The following NCALD variants were observed in gnomAD, a reference collection of about 807,000 sequenced individuals.
The protein encoded by NCALD is neurocalcin delta.
NCALD carries 10 observed loss-of-function variants against 18.6 expected under a neutral mutation model. The observed-to-expected ratio is 0.54, with a 90% CI of 0.33 to 0.91. NCALD has a LOEUF of 0.91. NCALD is among the 40% of genes least tolerant of loss of function. NCALD has a pLI of 0.03. For synonymous variants in NCALD, 88 were observed against 87.4 expected (o/e 1.01, Z -0.04); for missense variants, 184 against 247.6 (o/e 0.74, Z 1.72).
intron 2 of NCALD, among the ~76,000 whole-genome samples, chr8:101,921,095 C>T (rs1184672050): frequency 1.3e-5 from 2 of 151,992 alleles, no homozygotes; most frequent in Non-Finnish European, 1.5e-5. Context: ...TATTAGATCC[C>T]ATTACTAATG....
chr8:101,771,155 C>G (rs1427033670), intron 1 of NCALD, among the ~76,000 whole-genome samples: 6 of 152,066 alleles, frequency 3.9e-5, no homozygotes, highest in Non-Finnish European at 7.4e-5. Context: ...GGATGAAACC[C>G]ACAAACAATA....
chr8:102,060,491 C>T (rs1823812263), intron 1 of NCALD, among the ~76,000 whole-genome samples: 1 of 152,142 alleles, frequency 6.6e-6, no homozygotes, highest in African/African-American at 2.4e-5. Flanking sequence ...TCCTTCCTCC[C>T]TTCCCTGACC....
chr8:101,759,974 G>A (rs1811045130), intron 1 of NCALD, among the ~76,000 whole-genome samples: 1 of 152,074 alleles, frequency 6.6e-6, no homozygotes, highest in African/African-American at 2.4e-5. Flanking sequence ...AGACACTGCG[G>A]TTCCCAAGGC....
At chr8:101,945,499 A>G (rs1819133106) in intron 2 of NCALD, among the ~76,000 whole-genome samples, 1 of 152,248 alleles carries the variant, frequency 6.6e-6, no homozygotes, top group Non-Finnish European at 1.5e-5. Flanking sequence ...CTTCATCTCT[A>G]TTTAATGACT....
intron 1 of NCALD, among the ~76,000 whole-genome samples, chr8:102,111,543 A>C (rs1000126180): frequency 6.6e-6 from 1 of 152,106 alleles, no homozygotes; most frequent in African/African-American, 2.4e-5. Context: ...TCTGCCTTTA[A>C]AAATACAATA....
intron 4 of NCALD, among the ~76,000 whole-genome samples, chr8:101,804,298 ATATAAT>A (rs1213074726): frequency 7.4e-6 from 1 of 135,614 alleles, no homozygotes; most frequent in African/African-American, 2.6e-5. Flanking sequence ...TAACTATTAT[ATATAAT>A]TATATCAATT....
At chr8:101,812,588 G>A (rs1323642490) in intron 4 of NCALD, among the ~76,000 whole-genome samples, 8 of 152,096 alleles carry the variant, frequency 5.3e-5, no homozygotes, top group Admixed American at 4.6e-4. Flanking sequence ...AAACAAAAAT[G>A]GGAACTGAGA....
At chr8:101,750,936 T>C (rs954226581) in intron 1 of NCALD, among the ~76,000 whole-genome samples, 2 of 152,222 alleles carry the variant, frequency 1.3e-5, no homozygotes, top group African/African-American at 4.8e-5. Flanking sequence ...AAGTCACACT[T>C]GCTTTTAGGG....
At chr8:102,066,677 C>T (rs912169997) in intron 1 of NCALD, among the ~76,000 whole-genome samples, 1 of 152,252 alleles carries the variant, frequency 6.6e-6, no homozygotes, top group African/African-American at 2.4e-5. Context: ...GTTAACGTGA[C>T]TTGGGGCACG....
chr8:101,876,793 A>C (rs868391063), intron 4 of NCALD, among the ~76,000 whole-genome samples: 5 of 152,246 alleles, frequency 3.3e-5, no homozygotes, highest in Admixed American at 6.5e-5. Flanking sequence ...GTTGCTAAGC[A>C]ATGTTGCATT....
intron 2 of NCALD, among the ~76,000 whole-genome samples, chr8:101,965,338 A>G (rs1483182594): frequency 6.6e-6 from 1 of 152,206 alleles, no homozygotes; most frequent in Non-Finnish European, 1.5e-5. Context: ...AGCACTGTTC[A>G]CAATAGCAAA....
chr8:101,837,755 T>C (rs1814472284), intron 4 of NCALD, among the ~76,000 whole-genome samples: 1 of 152,216 alleles, frequency 6.6e-6, no homozygotes, highest in Non-Finnish European at 1.5e-5. Flanking sequence ...TCCTGATTCC[T>C]GCCACCAGAG....
chr8:102,007,172 G>T (rs905721043), intron 2 of NCALD, among the ~76,000 whole-genome samples: 1 of 152,150 alleles, frequency 6.6e-6, no homozygotes, highest in African/African-American at 2.4e-5. Context: ...TGGAAAAATT[G>T]GTGAAATCTG....
chr8:101,767,515 T>C (rs757954209), intron 1 of NCALD, among the ~76,000 whole-genome samples: 18 of 152,170 alleles, frequency 1.2e-4, no homozygotes, highest in Non-Finnish European at 1.9e-4. Context: ...AAGCAAATGA[T>C]GATTATACAG....
At chr8:102,122,476 T>C (rs1825972127) in intron 1 of NCALD, among the ~76,000 whole-genome samples, 1 of 151,992 alleles carries the variant, frequency 6.6e-6, no homozygotes. Flanking sequence ...TCAAAAGCAA[T>C]TGGAACAATT....
At position 101,719,625 on chromosome 8, in the gene NCALD, C is replaced by A. The variant is rs1379523513; in HGVS notation, c.5G>T (p.Gly2Val). Residue 2 changes from glycine (G) to valine (V), a missense_variant, in exon 2 of 4, where the codon GGG (glycine) becomes GTG (valine). Coordinates refer to ENST00000220931, the MANE Select transcript of NCALD (RefSeq NM_032041.3). M[G>V]KQNSKLRPEV... ...CGGGCGCAGCTTGCTGTTCTGTTTC[C>A]CCATCCTGGCGGCAAGAATTCAGCT... is the stretch of plus-strand genomic sequence containing the variant. 1 of 1,566,604 alleles carries A rather than the reference C, an allele frequency of 6.4e-7. No homozygotes were observed.
At chr8:101,772,288 T>C (rs1304215774) in intron 1 of NCALD, among the ~76,000 whole-genome samples, 1 of 152,174 alleles carries the variant, frequency 6.6e-6, no homozygotes, top group Non-Finnish European at 1.5e-5. Context: ...ATCTAGCAAA[T>C]ATGTTTATCC....
intron 1 of NCALD, among the ~76,000 whole-genome samples, chr8:102,067,811 A>G (rs906621892): frequency 2.0e-5 from 3 of 152,162 alleles, no homozygotes; most frequent in African/African-American, 7.2e-5. Context: ...ACTAAACTGA[A>G]TCACATCTAG....
intron 1 of NCALD, among the ~76,000 whole-genome samples, chr8:101,767,597 T>G (rs907018277): frequency 6.6e-6 from 1 of 152,230 alleles, no homozygotes; most frequent in Non-Finnish European, 1.5e-5. Context: ...TGGACTCAAC[T>G]GATCTGGACT....
Sources: allele counts gnomAD v4.1 joint callset (sites outside exome capture counted in the v4.1 genomes callset), GRCh38; gene constraint gnomAD v4.1.1; transcripts MANE v1.5; gene names NCBI Gene and HGNC (gene_info 2026-07-23, HGNC 2026-07-21).